Variants in GRM7 observed in about 807,000 individuals in gnomAD.
GRM7 encodes glutamate metabotropic receptor 7, also known as metabotropic glutamate receptor 7.
In GRM7, 35 loss-of-function variants were observed where a neutral mutation model predicts 84.5. The observed-to-expected ratio is 0.41, with a 90% CI of 0.32 to 0.55. The LOEUF is 0.55. GRM7 is among the 20% of genes least tolerant of loss of function. GRM7 has a pLI of 0.19. For synonymous variants in GRM7, 487 were observed against 455.1 expected, an observed-to-expected ratio of 1.07 and a Z score of -0.89; for missense variants, 1,003 against 1,194.6, an observed-to-expected ratio of 0.84 and a Z score of 2.36.
intron 9 of GRM7, among the ~76,000 whole-genome samples, chr3:7,736,505 C>T (rs530480305): frequency 6.6e-6 from 1 of 152,140 alleles, no homozygotes; most frequent in Non-Finnish European, 1.5e-5. Context: ...CTTAAAAACA[C>T]AATGTTATAT....
In GRM7 at chr3:6,968,523, A is replaced by T. The variant is rs1168986097; in HGVS notation, c.519+106616A>T. ...CGCACTTCTTTCATTTTATTGAGAG[A>T]ATGAAGTGGGATCATTTACTTAAAA... On this transcript the variant is annotated intron_variant, in intron 1 of 9. Coordinates refer to ENST00000357716, the MANE Select transcript of GRM7 (RefSeq NM_000844.4). 1.3e-5 allele frequency among the ~76,000 whole-genome samples: 2 copies of T among 152,338 alleles called. 1 individual carries two copies. Among genetic ancestry groups the T allele is most frequent in the South Asian group, 4.2e-4 (2 of 4,816 alleles).
intron 7 of GRM7, among the ~76,000 whole-genome samples, chr3:7,493,158 G>A (rs1699583340): frequency 6.6e-6 from 1 of 152,036 alleles, no homozygotes; most frequent in Admixed American, 6.6e-5. Flanking sequence ...ATTGGGTGAA[G>A]TATTCTGTAT....
chr3:7,296,987 A>G (rs1699837523), intron 2 of GRM7, among the ~76,000 whole-genome samples: 1 of 151,446 alleles, frequency 6.6e-6, no homozygotes. Flanking sequence ...TCTCTATTAT[A>G]TTTGTTTTCA....
At chr3:7,166,086 T>C (rs1694789271) in intron 2 of GRM7, among the ~76,000 whole-genome samples, 1 of 152,218 alleles carries the variant, frequency 6.6e-6, no homozygotes, top group South Asian at 2.1e-4. Context: ...ATGGTGTCAG[T>C]TTCAGAATTA....
intron 6 of GRM7, among the ~76,000 whole-genome samples, chr3:7,458,913 G>A (rs945783552): frequency 2.0e-5 from 3 of 152,184 alleles, no homozygotes; most frequent in African/African-American, 7.2e-5. Flanking sequence ...CTAATAACAT[G>A]TGAAATCCAG....
chr3:6,990,050 C>T (rs905198742), intron 1 of GRM7, among the ~76,000 whole-genome samples: 1 of 152,168 alleles, frequency 6.6e-6, no homozygotes, highest in Non-Finnish European at 1.5e-5. Flanking sequence ...TCTGAATTAC[C>T]TATATCCCTC....
At chr3:7,362,076 C>T (rs948445650) in intron 4 of GRM7, among the ~76,000 whole-genome samples, 2 of 152,016 alleles carry the variant, frequency 1.3e-5, no homozygotes, top group Non-Finnish European at 2.9e-5. Context: ...TACTATTGTG[C>T]CTCATAGTGA....
At chr3:7,254,728 A>G (rs1404895760) in intron 2 of GRM7, among the ~76,000 whole-genome samples, 1 of 152,120 alleles carries the variant, frequency 6.6e-6, no homozygotes, top group Non-Finnish European at 1.5e-5. Context: ...TGGCTCCACC[A>G]TTTTCTTTGA....
At chr3:6,886,429 G>A (rs1326748057) in intron 1 of GRM7, among the ~76,000 whole-genome samples, 3 of 152,072 alleles carry the variant, frequency 2.0e-5, no homozygotes, top group Non-Finnish European at 4.4e-5. Context: ...AACTAACATG[G>A]CACATGTATA....
intron 4 of GRM7, among the ~76,000 whole-genome samples, chr3:7,380,841 T>C (rs1410393664): frequency 6.6e-6 from 1 of 152,212 alleles, no homozygotes; most frequent in African/African-American, 2.4e-5. Context: ...AATCAATTTC[T>C]GCTCCTCTGT....
At chr3:7,202,481 C>A (rs907209076) in intron 2 of GRM7, among the ~76,000 whole-genome samples, 4 of 152,064 alleles carry the variant, frequency 2.6e-5, no homozygotes, top group African/African-American at 9.7e-5. Flanking sequence ...CAGGCTCCTG[C>A]CACCATACCC....
At chr3:7,241,312 G>T (rs1286425780) in intron 2 of GRM7, among the ~76,000 whole-genome samples, 2 of 152,186 alleles carry the variant, frequency 1.3e-5, no homozygotes, top group East Asian at 3.9e-4. Context: ...TAGTGGTAGT[G>T]GTCACTGTCT....
chr3:7,023,512 T>C (rs559184254), intron 1 of GRM7, among the ~76,000 whole-genome samples: 29 of 152,044 alleles, frequency 1.9e-4, no homozygotes, highest in Non-Finnish European at 4.0e-4. Flanking sequence ...ACCGCGTGAG[T>C]CTTCTAGGAC....
Position 7,667,860 on chromosome 3 carries a change from CAA to C in GRM7, c.2452-12172_2452-12171del, listed in dbSNP as rs61182264. ...TAAGTCAAAGTCAGCAGATTTATGT[CAA>C]AAAAAAAAAAAAAAAACTTCAACGC... is the stretch of plus-strand genomic sequence containing the variant. On this transcript the variant is annotated intron_variant, in intron 8 of 9. Coordinates refer to ENST00000357716, the MANE Select transcript of GRM7 (RefSeq NM_000844.4). 6.5e-3 allele frequency among the ~76,000 whole-genome samples: 839 copies of C among 128,378 alleles called. 5 individuals are homozygous for C. Among genetic ancestry groups the C allele is most frequent in the Middle Eastern group, 0.047 (11 of 236 alleles). 84.2% of individuals were successfully genotyped at this position (128,378 alleles called of 152,430 possible). A position where few individuals can be genotyped will look rare whatever the true frequency, so the allele number is the denominator to read the frequency against.
At chr3:6,927,079 C>T (rs1345743875) in intron 1 of GRM7, among the ~76,000 whole-genome samples, 2 of 152,082 alleles carry the variant, frequency 1.3e-5, no homozygotes, top group African/African-American at 4.8e-5. Context: ...TAGAATTGTT[C>T]AAACTTCATG....
chr3:7,086,508 T>C (rs530253926), intron 1 of GRM7, among the ~76,000 whole-genome samples: 56 of 152,214 alleles, frequency 3.7e-4, no homozygotes, highest in Admixed American at 1.3e-4. Context: ...GAAGAATGTA[T>C]GAAAAAGAAA....
intron 8 of GRM7, among the ~76,000 whole-genome samples, chr3:7,585,608 G>C (rs1293537439): frequency 6.6e-6 from 1 of 152,176 alleles, no homozygotes; most frequent in South Asian, 2.1e-4. Flanking sequence ...TAAAAGGGAA[G>C]ACTCAACAAC....
At chr3:7,080,442 T>C (rs1334995364) in intron 1 of GRM7, among the ~76,000 whole-genome samples, 2 of 151,958 alleles carry the variant, frequency 1.3e-5, no homozygotes, top group East Asian at 3.9e-4. Context: ...TCAAGTGAGG[T>C]TTTCATTCTG....
At chr3:7,013,043 C>A (rs1187731399) in intron 1 of GRM7, among the ~76,000 whole-genome samples, 1 of 151,980 alleles carries the variant, frequency 6.6e-6, no homozygotes, top group Non-Finnish European at 1.5e-5. Context: ...CCTGACCTTC[C>A]TGACAACCCC....
Sources: allele counts gnomAD v4.1 joint callset (sites outside exome capture counted in the v4.1 genomes callset), GRCh38; gene constraint gnomAD v4.1.1; transcripts MANE v1.5; gene names NCBI Gene and HGNC (gene_info 2026-07-23, HGNC 2026-07-21).